The following GRN variants were observed in gnomAD, a reference collection of about 807,000 sequenced individuals.
GRN encodes the protein progranulin.
GRN carries 30 observed loss-of-function variants against 66.7 expected under a neutral mutation model. The ratio of observed to expected loss-of-function variants is 0.45; its 90% confidence interval spans 0.34 to 0.61. The LOEUF (loss-of-function observed/expected upper bound fraction) is 0.61, where lower values mean the gene tolerates loss of function less well. GRN is among the 20% of genes least tolerant of loss of function. GRN has a pLI of 0.01. For missense variants in GRN, 731 were observed against 803.5 expected (o/e 0.91, Z 1.09); for synonymous variants, 327 against 311.1 (o/e 1.05, Z -0.54).
chr17:44,349,328 A>G, intron 2 of GRN, 26 bp downstream of exon 2: 1 of 1,613,978 alleles, frequency 6.2e-7, no homozygotes, highest in Non-Finnish European at 8.5e-7. Context: ...CCTAGGCAAG[A>G]GCTGGCAGCC....
At chr17:44,348,453 G>A (rs1053553546) in intron 1 of GRN, among the ~76,000 whole-genome samples, 1 of 152,218 alleles carries the variant, frequency 6.6e-6, no homozygotes, top group Non-Finnish European at 1.5e-5. Context: ...GGCCCTGGTG[G>A]TGTGGGGGAC....
intron 10 of GRN, 58 bp from the exon 11 acceptor site, chr17:44,351,957 T>C: frequency 6.7e-7 from 1 of 1,488,378 alleles, no homozygotes; most frequent in Non-Finnish European, 9.3e-7. Context: ...AGGTAGGGGC[T>C]CGGCACTGCG....
In GRN at chr17:44,350,714, T is replaced by C. The variant is rs768958896; in HGVS notation, c.622T>C (p.Cys208Arg). The C allele has an allele frequency of 6.2e-6, 10 of 1,614,084 alleles. No homozygotes were observed. The highest frequency in any genetic ancestry group is 7.6e-6 in the Non-Finnish European group (9 of 1,179,938). The change falls in exon 7 of 13, where the codon TGT (cysteine) becomes CGT (arginine). Residue 208 changes from cysteine (C) to arginine (R), a missense_variant. Around this residue, in one of 3 missense-constraint regions of GRN, gnomAD observed 370 missense variants for 379.8 expected, o/e 0.97. Transcript: ENST00000053867. ...RAVALSSSVM[C>R]PDARSRCPDG... Reference sequence around the variant, plus strand: ...AGTGGCCTTGTCCAGCTCGGTCATGTGTCCGGACGCACGGTCCCGGTGCCC... The same window carrying C: ...AGTGGCCTTGTCCAGCTCGGTCATGCGTCCGGACGCACGGTCCCGGTGCCC...
At chr17:44,347,442 C>T (rs935988807) in intron 1 of GRN, among the ~76,000 whole-genome samples, 18 of 151,868 alleles carry the variant, frequency 1.2e-4, no homozygotes, top group African/African-American at 4.1e-4. Context: ...GTGTGCGCTA[C>T]CACGCATGGC....
At chr17:44,350,362 G>A in intron 5 of GRN, 22 bp downstream of exon 5, 4 of 1,611,852 alleles carry the variant, frequency 2.5e-6, no homozygotes, top group Non-Finnish European at 2.5e-6. Context: ...GGGGAGATGG[G>A]GGTATGTGGA....
rs368901283 is a variant in GRN, at chr17:44,352,641, G to A, written c.1645-20G>A. ...AGGTCCCACCTCGTCCAACCCTCTC[G>A]CCCCCCTCTGACCATCCAGGGCGTC... is the stretch of plus-strand genomic sequence containing the variant. On this transcript the variant is annotated intron_variant, in intron 12 of 12. Coordinates refer to ENST00000053867, the MANE Select transcript of GRN (RefSeq NM_002087.4). 117 of 1,609,810 alleles carry A rather than the reference G, an allele frequency of 7.3e-5. No individual in the cohort carries two copies. In the African/African-American group the frequency reaches 1.1e-3, roughly 15 times the overall value.
rs763996390 is a variant in GRN, at chr17:44,351,053, A to C, written c.725A>C (p.Asp242Ala). ...CCCACTCAGGCCACCTGCTGCTCCG[A>C]TCACCTGCACTGCTGCCCCCAAGAC... ...CPMPNATCCS[D>A]HLHCCPQDTV... Residue 242 changes from aspartate (D) to alanine (A), a missense_variant, in exon 8 of 13, where the codon GAT becomes GCT. By Grantham distance (126) the Asp-to-Ala change is moderately radical (BLOSUM62 -2). Around this residue, in one of 3 missense-constraint regions of GRN, gnomAD observed 370 missense variants for 379.8 expected, o/e 0.97. Coordinates refer to ENST00000053867, the MANE Select transcript of GRN (RefSeq NM_002087.4). 1 of 1,613,818 alleles carries C rather than the reference A, an allele frequency of 6.2e-7. No homozygotes were observed. Among genetic ancestry groups the C allele is most frequent in the Admixed American group, 1.7e-5 (1 of 60,000 alleles).
At chr17:44,351,930 G>A (rs2048379105) in intron 10 of GRN, 85 bp from the exon 11 acceptor site, 2 of 1,462,668 alleles carry the variant, frequency 1.4e-6, no homozygotes, top group Non-Finnish European at 1.9e-6. Flanking sequence ...CTGTAAGCAG[G>A]AGAGGCGGGC....
At chr17:44,346,840 G>A (rs749681193) in intron 1 of GRN, among the ~76,000 whole-genome samples, 3 of 152,214 alleles carry the variant, frequency 2.0e-5, no homozygotes, top group Non-Finnish European at 2.9e-5. Flanking sequence ...TGTCGGCTGG[G>A]CGTGGTGGCT....
At position 44,352,540 on chromosome 17, in the gene GRN, G is replaced by T; in HGVS notation, c.1613G>T (p.Arg538Leu). ...AACCAGACCTGCTGCCGAGACAACCGACAGGGCTGGGCCTGCTGTCCCTAC... is the reference window on the plus strand; with the variant it reads ...AACCAGACCTGCTGCCGAGACAACCTACAGGGCTGGGCCTGCTGTCCCTAC... ...HDNQTCCRDN[R>L]QGWACCPYRQ... Residue 538 changes from arginine to leucine, a missense_variant, in exon 12 of 13, where the codon CGA (arginine) becomes CTA (leucine). By Grantham distance (102) the Arg-to-Leu change is moderately radical. Around this residue, in one of 3 missense-constraint regions of GRN, gnomAD observed 319 missense variants for 347.2 expected, o/e 0.92. Transcript: ENST00000053867. 1 of 1,613,756 alleles carries T rather than the reference G, an allele frequency of 6.2e-7. No individual in the cohort carries two copies. Among genetic ancestry groups the T allele is most frequent in the Non-Finnish European group, 8.5e-7 (1 of 1,179,990 alleles).
chr17:44,347,307 G>T (rs1035968355), intron 1 of GRN, among the ~76,000 whole-genome samples: 1 of 151,978 alleles, frequency 6.6e-6, no homozygotes, highest in Non-Finnish European at 1.5e-5. Flanking sequence ...TTTTGAGACA[G>T]AATCTCAGTC....
Position 44,352,211 on chromosome 17 carries a change from G to T in GRN, c.1376G>T (p.Ser459Ile). Residue 459 changes from serine to isoleucine, a missense_variant, in exon 11 of 13, where the codon AGC becomes ATC. Ser to Ile is a moderately radical substitution (Grantham distance 142). Transcript: ENST00000053867. The stretch of plus-strand genomic sequence containing the variant: ...CCGGTGGGGCAGACCTGCTGCCCGA[G>T]CCTGGGTGGGAGCTGGGCCTGCTGC... ...SCPVGQTCCP[S>I]LGGSWACCQL... is the part of the protein sequence containing the mutation. 6.2e-7 allele frequency: 1 copy of T among 1,612,966 alleles called. No homozygotes were observed. The highest frequency in any genetic ancestry group is 8.5e-7 in the Non-Finnish European group (1 of 1,179,842).
chr17:44,348,297 A>G (rs1028387358), intron 1 of GRN, among the ~76,000 whole-genome samples: 4 of 152,182 alleles, frequency 2.6e-5, no homozygotes, highest in African/African-American at 9.7e-5. Flanking sequence ...TGCTCTCCAC[A>G]GAGACTCAAG....
rs1033064351 is a variant in GRN, at chr17:44,352,182, C to T, written c.1347C>T (p.Ser449=). ...ACATCGGCTGTGACCAGCACACCAG[C>T]TGCCCGGTGGGGCAGACCTGCTGCC... is the stretch of plus-strand genomic sequence containing the variant. The part of the protein sequence containing the change: ...PRDIGCDQHT[S]CPVGQTCCPS... The change falls in exon 11 of 13, where the codon AGC becomes AGT. Residue 449 remains serine, a synonymous_variant. Transcript: ENST00000053867. 5.6e-6 allele frequency: 9 copies of T among 1,613,534 alleles called. No homozygotes were observed. Among genetic ancestry groups the T allele is most frequent in the Non-Finnish European group, 7.6e-6 (9 of 1,179,922 alleles).
At position 44,345,330 on chromosome 17, in the gene GRN, C is replaced by G. The variant is rs2048318421; in HGVS notation, c.-12C>G. Reference sequence around the variant, plus strand: ...GCTGCCCAAGGACCGCGGAGTCGGACGCAGGTAGGAGAGCGGCCGCGCAGA... The same window carrying G: ...GCTGCCCAAGGACCGCGGAGTCGGAGGCAGGTAGGAGAGCGGCCGCGCAGA... On this transcript the variant is annotated 5_prime_UTR_variant, in exon 1 of 13. Coordinates refer to ENST00000053867, the MANE Select transcript of GRN (RefSeq NM_002087.4). The G allele has an allele frequency of 6.6e-6, 1 of 152,358 alleles. No individual in the cohort carries two copies. The highest frequency in any genetic ancestry group is 1.5e-5 in the Non-Finnish European group (1 of 68,124). 9.4% of individuals were successfully genotyped at this position (152,358 alleles called of 1,614,324 possible).
chr17:44,352,066 G>GT lies in GRN; in HGVS notation c.1232dup (p.Ala412SerfsTer2). ...CTGCTGCCCCCAGGGCTACACGTGT[G>GT]TAGCTGAGGGGCAGTGTCAGCGAGG... On this transcript the variant is annotated frameshift_variant, in exon 11 of 13. Coordinates refer to ENST00000053867, the MANE Select transcript of GRN (RefSeq NM_002087.4). LOFTEE classifies it high-confidence loss of function. The GT allele has an allele frequency of 6.2e-7, 1 of 1,613,594 alleles. No individual in the cohort carries two copies. The highest frequency in any genetic ancestry group is 8.5e-7 in the Non-Finnish European group (1 of 1,179,902).
At chr17:44,346,122 C>G (rs967249766) in intron 1 of GRN, 1 of 153,196 alleles carries the variant, frequency 6.5e-6, no homozygotes, top group Admixed American at 6.5e-5. Context: ...ACAGGTAATT[C>G]ACCAGGGAGC....
intron 8 of GRN, 24 bp from the exon 9 acceptor site, chr17:44,351,339 C>T (rs1207045739): frequency 6.3e-7 from 1 of 1,589,430 alleles, no homozygotes; most frequent in Non-Finnish European, 8.6e-7. Context: ...CACTTCTGAC[C>T]TGTCCTCTCT....
At position 44,351,715 on chromosome 17, in the gene GRN, G is replaced by C; in HGVS notation, c.1099G>C (p.Asp367His). 1 of 1,613,884 alleles carries C rather than the reference G, an allele frequency of 6.2e-7. No homozygotes were observed. Among genetic ancestry groups the C allele is most frequent in the Non-Finnish European group, 8.5e-7 (1 of 1,179,960 alleles). The stretch of plus-strand genomic sequence containing the variant: ...AGCCTTGAAGAGAGATGTCCCCTGT[G>C]ATAATGTCAGCAGCTGTCCCTCCTC... ...PQALKRDVPCDNVSSCPSSDT... is the reference protein window; with the variant it reads ...PQALKRDVPCHNVSSCPSSDT... Residue 367 changes from aspartate to histidine, a missense_variant, in exon 10 of 13, where the codon GAT (aspartate) becomes CAT (histidine). Asp to His is a moderately conservative substitution (Grantham distance 81). Around this residue, in one of 3 missense-constraint regions of GRN, gnomAD observed 319 missense variants for 347.2 expected, o/e 0.92. Coordinates refer to ENST00000053867, the MANE Select transcript of GRN (RefSeq NM_002087.4).
Sources: allele counts gnomAD v4.1 joint callset (sites outside exome capture counted in the v4.1 genomes callset), GRCh38; gene constraint gnomAD v4.1.1; regional missense constraint gnomAD v4.1.1; transcripts MANE v1.5; gene names NCBI Gene and HGNC (gene_info 2026-07-23, HGNC 2026-07-21).